RPRD2: variants seen among roughly 807,000 people sequenced by gnomAD.
RPRD2 encodes the protein regulation of nuclear pre-mRNA domain-containing protein 2.
A neutral mutation model predicts 104.4 loss-of-function variants in RPRD2; 12 were observed. The observed-to-expected ratio is 0.11, with a 90% CI of 0.07 to 0.19. The LOEUF is 0.19. Ranked by LOEUF, RPRD2 falls within the 10% of genes least tolerant of loss-of-function variation. The pLI, the probability that RPRD2 is intolerant of heterozygous loss-of-function variation, is 1.00. For synonymous variants in RPRD2, 714 were observed against 684.9 expected (o/e 1.04, Z -0.66); for missense variants, 1,543 against 1,790.1 (o/e 0.86, Z 2.49).
chr1:150,444,624 G>A (rs1553895235), intron 6 of RPRD2, among the ~76,000 whole-genome samples: 1 of 152,008 alleles, frequency 6.6e-6, no homozygotes, highest in Admixed American at 6.6e-5. Context: ...ATGGTTAATT[G>A]GTATGGGTAT....
chr1:150,387,912 TC>T (rs1250798496), intron 1 of RPRD2, among the ~76,000 whole-genome samples: 4 of 127,520 alleles, frequency 3.1e-5, no homozygotes, highest in Non-Finnish European at 4.8e-5. Context: ...TTTTCTTTTC[TC>T]TTTTTTTTTT....
At position 150,364,928 on chromosome 1, in the gene RPRD2, T is replaced by C. The variant is rs1310906040; in HGVS notation, c.205+9T>C. The C allele has an allele frequency of 8.1e-6, 13 of 1,613,124 alleles. No homozygotes were observed. The highest frequency in any genetic ancestry group is 1.7e-5 in the Admixed American group (1 of 59,930). On this transcript the variant is annotated intron_variant, in intron 1 of 10. Coordinates refer to ENST00000369068, the MANE Select transcript of RPRD2 (RefSeq NM_015203.5). ...GAAGTGGCTCCGGAGATGTGAGTGT[T>C]GGGGGTGACTAGGGAAGGGAAGACT...
At chr1:150,445,082 G>A (rs1165319470) in intron 6 of RPRD2, among the ~76,000 whole-genome samples, 1 of 152,160 alleles carries the variant, frequency 6.6e-6, no homozygotes, top group Non-Finnish European at 1.5e-5. Flanking sequence ...AGCTGCTTGG[G>A]AGGCTGAGGC....
intron 2 of RPRD2, among the ~76,000 whole-genome samples, chr1:150,424,262 A>T (rs1167325683): frequency 1.3e-5 from 2 of 152,090 alleles, no homozygotes; most frequent in African/African-American, 4.8e-5. Flanking sequence ...CTTTGCAGAT[A>T]AGCAGATTGG....
At chr1:150,440,553 GA>G (rs1666347972) in intron 2 of RPRD2, among the ~76,000 whole-genome samples, 1 of 152,016 alleles carries the variant, frequency 6.6e-6, no homozygotes, top group African/African-American at 2.4e-5. Context: ...TTTAAAAAAT[GA>G]AAAAATACAG....
At chr1:150,415,475 G>A (rs1310506106) in intron 1 of RPRD2, among the ~76,000 whole-genome samples, 3 of 152,006 alleles carry the variant, frequency 2.0e-5, no homozygotes, top group Admixed American at 2.0e-4. Context: ...TTGAGCCCAG[G>A]AGTACAGGAC....
chr1:150,408,501 A>G (rs914090036), intron 1 of RPRD2, among the ~76,000 whole-genome samples: 2 of 152,206 alleles, frequency 1.3e-5, no homozygotes, highest in African/African-American at 4.8e-5. Flanking sequence ...ATAATGGTAT[A>G]TGTACATTTT....
intron 10 of RPRD2, among the ~76,000 whole-genome samples, chr1:150,468,053 T>G (rs1009071701): frequency 6.6e-6 from 1 of 151,910 alleles, no homozygotes. Context: ...CCCCAACTAC[T>G]TGGGAGGCTG....
At chr1:150,457,036 C>T (rs1667579794) in intron 7 of RPRD2, among the ~76,000 whole-genome samples, 1 of 152,074 alleles carries the variant, frequency 6.6e-6, no homozygotes, top group African/African-American at 2.4e-5. Flanking sequence ...CCAGCGTGGC[C>T]AACATGGTGA....
intron 1 of RPRD2, among the ~76,000 whole-genome samples, chr1:150,406,247 A>G (rs1663462276): frequency 6.6e-6 from 1 of 152,196 alleles, no homozygotes; most frequent in Non-Finnish European, 1.5e-5. Flanking sequence ...CGTTGACAGC[A>G]GTCAGGTTCT....
At chr1:150,468,087 G>A (rs6684939) in intron 10 of RPRD2, among the ~76,000 whole-genome samples, 63,496 of 151,904 alleles carry the variant, frequency 0.42, 13,718 homozygotes, top group East Asian at 0.7. Context: ...GCTTGAACCC[G>A]GAAGGCAGAG....
intron 2 of RPRD2, among the ~76,000 whole-genome samples, chr1:150,422,577 C>T (rs1361822662): frequency 6.6e-6 from 1 of 151,954 alleles, no homozygotes; most frequent in Non-Finnish European, 1.5e-5. Flanking sequence ...TTACTCAGTC[C>T]TAGGCTGATG....
chr1:150,457,513 C>T lies in RPRD2; in HGVS notation c.1096C>T (p.Arg366Cys), dbSNP rs376972465. 8 of 1,613,654 alleles carry T rather than the reference C, an allele frequency of 5.0e-6. No individual in the cohort carries two copies. The highest frequency in any genetic ancestry group is 6.8e-6 in the Non-Finnish European group (8 of 1,179,754). ...CACACCTGAACCTGTGACAGATAATCGTGATGTGGAAGACATGGAACTCTC... is the reference window on the plus strand; with the variant it reads ...CACACCTGAACCTGTGACAGATAATTGTGATGTGGAAGACATGGAACTCTC... ...SATPEPVTDN[R>C]DVEDMELSDV... The change falls in exon 8 of 11, where the codon CGT (arginine) becomes TGT (cysteine). Residue 366 changes from arginine (R) to cysteine (C), a missense_variant. Physicochemically the swap from Arg to Cys is radical, Grantham distance 180. Coordinates refer to ENST00000369068, the MANE Select transcript of RPRD2 (RefSeq NM_015203.5).
chr1:150,395,801 G>A (rs1212699171), intron 1 of RPRD2, among the ~76,000 whole-genome samples: 10 of 152,250 alleles, frequency 6.6e-5, no homozygotes, highest in East Asian at 1.9e-4. Flanking sequence ...GAGCCACCGC[G>A]TCCGGCCGCA....
chr1:150,407,412 A>G (rs1186254768), intron 1 of RPRD2, among the ~76,000 whole-genome samples: 1 of 152,246 alleles, frequency 6.6e-6, no homozygotes, highest in East Asian at 1.9e-4. Flanking sequence ...AAATAAAATT[A>G]TAACATTTAG....
chr1:150,440,000 G>C (rs1666304095), intron 2 of RPRD2, among the ~76,000 whole-genome samples: 1 of 149,420 alleles, frequency 6.7e-6, no homozygotes, highest in Non-Finnish European at 1.5e-5. Flanking sequence ...GTCTTGCTCT[G>C]TGGCCCAGGC....
intron 1 of RPRD2, among the ~76,000 whole-genome samples, chr1:150,390,407 G>A (rs1661975625): frequency 6.6e-6 from 1 of 152,164 alleles, no homozygotes; most frequent in Admixed American, 6.5e-5. Context: ...GCAGAGGCAG[G>A]AGAATCGCTT....
intron 2 of RPRD2, among the ~76,000 whole-genome samples, chr1:150,440,603 A>C (rs1666352027): frequency 6.6e-6 from 1 of 152,290 alleles, no homozygotes; most frequent in South Asian, 2.1e-4. Flanking sequence ...TACTAGTGTA[A>C]TTGTGTTTTA....
intron 1 of RPRD2, among the ~76,000 whole-genome samples, chr1:150,416,632 G>A (rs1664347002): frequency 6.6e-6 from 1 of 152,032 alleles, no homozygotes; most frequent in Non-Finnish European, 1.5e-5. Context: ...ACTTTGGGGA[G>A]GCCAAAGCAG....
Sources: gnomAD v4.1 joint callset for allele counts (sites outside exome capture counted in the v4.1 genomes callset) on GRCh38, gnomAD v4.1.1 for gene constraint, MANE v1.5 for transcripts, NCBI Gene and HGNC (gene_info 2026-07-23, HGNC 2026-07-21) for gene names.